SH3PXD2B: variants seen among roughly 807,000 people sequenced by gnomAD.
SH3PXD2B encodes SH3 and PX domains 2B, also known as SH3 and PX domain-containing protein 2B.
In SH3PXD2B, 37 loss-of-function variants were observed where a neutral mutation model predicts 73.1. The ratio of observed to expected loss-of-function variants is 0.51; its 90% CI spans 0.39 to 0.67. The LOEUF (loss-of-function observed/expected upper bound fraction) is 0.67. Among genes scored for constraint, SH3PXD2B ranks in the 30% least tolerant of loss-of-function variants. SH3PXD2B has a pLI of 0.00. For missense variants in SH3PXD2B, 1,053 were observed against 1,197.8 expected (o/e 0.88, Z 1.78); for synonymous variants, 457 against 480.5 (o/e 0.95, Z 0.64).
chr5:172,342,778 T>C (rs1259545654), intron 12 of SH3PXD2B, among the ~76,000 whole-genome samples: 2 of 149,572 alleles, frequency 1.3e-5, no homozygotes, highest in Admixed American at 1.3e-4. Flanking sequence ...AAAAAGACCC[T>C]GCTTGGAGAA....
At position 172,339,601 on chromosome 5, in the gene SH3PXD2B, T is replaced by G. The variant is rs1237708560; in HGVS notation, c.1504A>C (p.Met502Leu). The G allele has an allele frequency of 1.9e-6, 3 of 1,614,140 alleles. No homozygotes were observed. ...KDVLRKASSD[M>L]SASAGYEEIS... The stretch of plus-strand genomic sequence containing the variant: ...TCCTCGTAGCCTGCTGACGCAGACA[T>G]GTCTGAAGATGCCTTCCTCAGGACA... Residue 502 changes from methionine (M) to leucine (L), a missense_variant, in exon 13 of 13, where the codon ATG becomes CTG. By Grantham distance (15) the Met-to-Leu change is conservative. Around this residue, in one of 2 missense-constraint regions of SH3PXD2B, gnomAD observed 587 missense variants for 590.7 expected, o/e 0.99. Coordinates refer to ENST00000311601, the MANE Select transcript of SH3PXD2B (RefSeq NM_001017995.3). The surrounding 1 kb of genome is among the most constrained non-coding windows in gnomAD (Gnocchi z 6.1).
chr5:172,387,512 G>A (rs376647409), intron 4 of SH3PXD2B, among the ~76,000 whole-genome samples: 4 of 152,308 alleles, frequency 2.6e-5, no homozygotes, highest in East Asian at 3.9e-4. Context: ...CCTTCAGAAC[G>A]GGGCCCTGGG....
Position 172,381,995 on chromosome 5 carries a change from G to A in SH3PXD2B, c.401+41C>T, listed in dbSNP as rs1191685410. On this transcript the variant is annotated intron_variant, in intron 5 of 12. Coordinates refer to ENST00000311601, the MANE Select transcript of SH3PXD2B (RefSeq NM_001017995.3). ...GGTGGCTGGACTGGCAGGAGGGAGG[G>A]CTGTGGGGCTCCATCTGGGGAAGCC... The A allele has an allele frequency of 3.3e-6, 5 of 1,510,472 alleles. No individual in the cohort carries two copies. In the South Asian group the frequency reaches 5.8e-5, roughly 18 times the overall value. The allele number at this position is 1,510,472 out of a possible 1,614,324, so 93.6% of individuals were successfully genotyped here.
At chr5:172,354,061 C>T in intron 8 of SH3PXD2B, 56 bp from the exon 9 acceptor site, 1 of 1,486,460 alleles carries the variant, frequency 6.7e-7, no homozygotes, top group Non-Finnish European at 9.4e-7. Flanking sequence ...GCTTGGGATG[C>T]CGTAATCCCC....
intron 8 of SH3PXD2B, 137 bp downstream of exon 8, chr5:172,358,636 C>T (rs1017546440): frequency 3.3e-4 from 274 of 841,572 alleles, no homozygotes; most frequent in Non-Finnish European, 5.0e-4. Context: ...GGTTCACAGG[C>T]CATGGAGCCT....
intron 10 of SH3PXD2B, among the ~76,000 whole-genome samples, chr5:172,348,346 T>C (rs2113280592): frequency 6.6e-6 from 1 of 151,964 alleles, no homozygotes; most frequent in East Asian, 1.9e-4. Flanking sequence ...TTTTTTTAAA[T>C]GGAGTTTCGC....
At chr5:172,402,426 G>T (rs1343794395) in intron 3 of SH3PXD2B, among the ~76,000 whole-genome samples, 1 of 152,144 alleles carries the variant, frequency 6.6e-6, no homozygotes, top group Non-Finnish European at 1.5e-5. Flanking sequence ...ATTACCTTGT[G>T]AAGCATGTGA....
chr5:172,378,440 T>C (rs1207674190), intron 5 of SH3PXD2B, among the ~76,000 whole-genome samples: 4 of 152,200 alleles, frequency 2.6e-5, no homozygotes, highest in Non-Finnish European at 1.5e-5. Flanking sequence ...TGTTGGAATC[T>C]CTAAGTGGTC....
intron 2 of SH3PXD2B, among the ~76,000 whole-genome samples, chr5:172,420,098 C>T (rs1014081515): frequency 1.3e-5 from 2 of 152,212 alleles, no homozygotes; most frequent in African/African-American, 2.4e-5. Flanking sequence ...GTGATCCTCC[C>T]TTCCTCTTCC....
At chr5:172,424,732 G>A (rs1374723289) in intron 1 of SH3PXD2B, among the ~76,000 whole-genome samples, 1 of 152,184 alleles carries the variant, frequency 6.6e-6, no homozygotes, top group East Asian at 1.9e-4. Flanking sequence ...CTAGAGTCAA[G>A]AAGCTCTGGA....
rs367642322 is a variant in SH3PXD2B, at chr5:172,362,787, C to T, written c.510G>A (p.Glu170=). 161 of 1,614,038 alleles carry T rather than the reference C, an allele frequency of 1.0e-4. 1 individual carries two copies. Among genetic ancestry groups the T allele is most frequent in the Non-Finnish European group, 4.1e-5 (48 of 1,180,036 alleles). The change falls in exon 7 of 13, where the codon GAG becomes GAA. Residue 170 remains glutamate (E), a synonymous_variant. Transcript: ENST00000311601. ...CCACCTGCCCCACGCTGAGGCTGATCTCCGAACTCTCCTGCTTCTGGTAGT... is the reference window on the plus strand; with the variant it reads ...CCACCTGCCCCACGCTGAGGCTGATTTCCGAACTCTCCTGCTTCTGGTAGT... The part of the protein sequence containing the change: ...VANYQKQESS[E]ISLSVGQVVD...
At position 172,335,774 on chromosome 5, in the gene SH3PXD2B, G is replaced by A. The variant is rs1008363578; in HGVS notation, c.*2595C>T. ...AGCTAGGAGAGTGACTGGCCACCCT[G>A]ACCCACCCACTGCCTGGGGAAGTGT... On this transcript the variant is annotated 3_prime_UTR_variant, in exon 13 of 13. Transcript: ENST00000311601. 4 of 1,230,162 alleles carry A rather than the reference G, an allele frequency of 3.3e-6. No individual in the cohort carries two copies. Among genetic ancestry groups the A allele is most frequent in the South Asian group, 8.5e-5 (2 of 23,650 alleles). 76.2% of individuals were successfully genotyped at this position (1,230,162 alleles called of 1,614,324 possible).
In SH3PXD2B at chr5:172,333,967, T is replaced by C; in HGVS notation, c.*4402A>G. Reference sequence around the variant, plus strand: ...ACCATCGTTGCATTAGAATTGCTTATTGCTGATGTAAGCCTGGTGGGGGCA... The same window carrying C: ...ACCATCGTTGCATTAGAATTGCTTACTGCTGATGTAAGCCTGGTGGGGGCA... On this transcript the variant is annotated 3_prime_UTR_variant, in exon 13 of 13. Transcript: ENST00000311601. The C allele has an allele frequency of 8.2e-7, 1 of 1,220,278 alleles. No homozygotes were observed. The highest frequency in any genetic ancestry group is 1.4e-5 in the South Asian group (1 of 69,066). The allele number at this position is 1,220,278 out of a possible 1,614,324, so 75.6% of individuals were successfully genotyped here.
chr5:172,345,097 G>C (rs1756964491), intron 12 of SH3PXD2B, among the ~76,000 whole-genome samples: 2 of 150,746 alleles, frequency 1.3e-5, no homozygotes, highest in Non-Finnish European at 3.0e-5. Context: ...AAGGAAAGAA[G>C]GAGGGAAGGA....
intron 3 of SH3PXD2B, among the ~76,000 whole-genome samples, chr5:172,400,342 T>TA (rs1392848279): frequency 2.0e-5 from 3 of 152,204 alleles, no homozygotes; most frequent in East Asian, 3.8e-4. Flanking sequence ...AAGGGCTATT[T>TA]AAAAAACAAT....
At chr5:172,447,698 C>T (rs761163018) in intron 1 of SH3PXD2B, among the ~76,000 whole-genome samples, 11 of 152,222 alleles carry the variant, frequency 7.2e-5, no homozygotes, top group South Asian at 2.1e-4. Context: ...CCACTAGAGG[C>T]GCAGAATGGC....
chr5:172,430,300 A>G (rs1759204846), intron 1 of SH3PXD2B, among the ~76,000 whole-genome samples: 1 of 152,058 alleles, frequency 6.6e-6, no homozygotes, highest in Non-Finnish European at 1.5e-5. Flanking sequence ...GCCCACACCC[A>G]TCTCCCTGGG....
intron 1 of SH3PXD2B, among the ~76,000 whole-genome samples, chr5:172,453,687 G>C (rs1759853980): frequency 6.6e-6 from 1 of 152,230 alleles, no homozygotes; most frequent in African/African-American, 2.4e-5. Context: ...TTTTAAAACA[G>C]AAGTTACTGG....
intron 6 of SH3PXD2B, among the ~76,000 whole-genome samples, chr5:172,371,830 C>G (rs981793070): frequency 6.6e-6 from 1 of 152,184 alleles, no homozygotes; most frequent in Non-Finnish European, 1.5e-5. Context: ...TCTGCATACT[C>G]GAAACCAGAA....
Sources: allele counts gnomAD v4.1 joint callset (sites outside exome capture counted in the v4.1 genomes callset), GRCh38; gene constraint gnomAD v4.1.1; regional missense constraint gnomAD v4.1.1; non-coding constraint Gnocchi (gnomAD v3.1); transcripts MANE v1.5; gene names NCBI Gene and HGNC (gene_info 2026-07-23, HGNC 2026-07-21).